The following RANBP2 variants were observed in gnomAD, a reference collection of about 807,000 sequenced individuals.
RANBP2 encodes RAN binding protein 2.
RANBP2 carries 57 observed loss-of-function variants against 303.6 expected under a neutral mutation model. The observed-to-expected ratio is 0.19, with a 90% CI of 0.15 to 0.23. The LOEUF (loss-of-function observed/expected upper bound fraction) is 0.23, where lower values mean the gene tolerates loss of function less well. Among genes scored for constraint, RANBP2 ranks in the 10% least tolerant of loss-of-function variants. The probability of loss-of-function intolerance (pLI) is 1.00; values close to 1 mark genes in which losing one functional copy is unlikely to be tolerated. For synonymous variants in RANBP2, 1,167 were observed against 1,301.5 expected, an observed-to-expected ratio of 0.90 and a Z score of 2.23; for missense variants, 3,138 against 3,780.8, an observed-to-expected ratio of 0.83 and a Z score of 4.46.
chr2:108,741,198 T>C (rs548320994), intron 7 of RANBP2, among the ~76,000 whole-genome samples: 32 of 152,220 alleles, frequency 2.1e-4, no homozygotes, highest in African/African-American at 7.7e-4. Flanking sequence ...TTTCTTAATT[T>C]TTATTTTTTT....
chr2:109,213,678 A>C, the RANBP2 span, among the ~76,000 whole-genome samples: 1 of 152,328 alleles, frequency 6.6e-6, no homozygotes, highest in African/African-American at 2.4e-5. Context: ...AGGTCAGGTC[A>C]AGATGGCTTC....
chr2:109,506,280 G>A, the RANBP2 span, among the ~76,000 whole-genome samples: 6 of 152,332 alleles, frequency 3.9e-5, no homozygotes, highest in South Asian at 6.2e-4. Context: ...CCTGAACTGC[G>A]GAGGGGCGTT....
At chr2:108,815,448 G>T in the RANBP2 span, among the ~76,000 whole-genome samples, 1 of 140,070 alleles carries the variant, frequency 7.1e-6, no homozygotes, top group Non-Finnish European at 1.5e-5. Flanking sequence ...TATTAGTTGG[G>T]GAGGTTTTTG....
chr2:109,647,482 T>G, the RANBP2 span, among the ~76,000 whole-genome samples: 1 of 147,002 alleles, frequency 6.8e-6, no homozygotes, highest in Non-Finnish European at 1.5e-5. Flanking sequence ...TTTTTTTATT[T>G]TTTTGAGATG....
chr2:109,766,408 G>A, the RANBP2 span, among the ~76,000 whole-genome samples: 2 of 150,546 alleles, frequency 1.3e-5, no homozygotes, highest in African/African-American at 4.9e-5. Flanking sequence ...AGAACTTGGG[G>A]ACTCCAGCTG....
chr2:109,262,057 C>T, the RANBP2 span, among the ~76,000 whole-genome samples: 2 of 152,190 alleles, frequency 1.3e-5, no homozygotes, highest in Admixed American at 6.5e-5. Context: ...TGCTGATGCA[C>T]CAGCCCCAAC....
At chr2:109,102,654 C>CTA in the RANBP2 span, among the ~76,000 whole-genome samples, 1 of 151,994 alleles carries the variant, frequency 6.6e-6, no homozygotes, top group Non-Finnish European at 1.5e-5. Flanking sequence ...TCTCAAAAGC[C>CTA]TATCATCTGT....
At chr2:108,799,066 T>TG in the RANBP2 span, among the ~76,000 whole-genome samples, 3 of 152,174 alleles carry the variant, frequency 2.0e-5, no homozygotes, top group African/African-American at 7.2e-5. Context: ...GGGGGTTGTT[T>TG]GTTTGATCAA....
At chr2:109,559,421 T>C in the RANBP2 span, among the ~76,000 whole-genome samples, 3 of 151,930 alleles carry the variant, frequency 2.0e-5, no homozygotes, top group Admixed American at 6.6e-5. Context: ...ACTTACTGAG[T>C]TTCTTCCAGC....
At position 108,782,823 on chromosome 2, in the gene RANBP2, T is replaced by C. The variant is rs1573859367; in HGVS notation, c.9330T>C (p.Asn3110=). 2.5e-6 allele frequency: 4 copies of C among 1,614,088 alleles called. No individual in the cohort carries two copies. The highest frequency in any genetic ancestry group is 2.2e-5 in the East Asian group (1 of 44,880). The change falls in exon 28 of 29, where the codon AAT becomes AAC. Residue 3110 remains asparagine (N), a synonymous_variant. Coordinates refer to ENST00000283195, the MANE Select transcript of RANBP2 (RefSeq NM_006267.5). ...GAGAGAAAGGCTTTGGTTTCAAGAA[T>C]TCCATTTTTCACAGAGTAATTCCAG... ...CTGEKGFGFK[N]SIFHRVIPDF...
At chr2:108,979,558 G>C in the RANBP2 span, among the ~76,000 whole-genome samples, 1 of 152,052 alleles carries the variant, frequency 6.6e-6, no homozygotes, top group Non-Finnish European at 1.5e-5. Context: ...AGTAAGCTAG[G>C]GGCATGTCAG....
chr2:109,388,115 G>A, the RANBP2 span, among the ~76,000 whole-genome samples: 11 of 152,052 alleles, frequency 7.2e-5, no homozygotes, highest in Admixed American at 7.2e-4. Context: ...ACCATCCTAC[G>A]CCTGCCCACG....
chr2:109,597,787 G>A, the RANBP2 span, among the ~76,000 whole-genome samples: 1 of 152,186 alleles, frequency 6.6e-6, no homozygotes, highest in African/African-American at 2.4e-5. Context: ...GATAGCTGGA[G>A]GAAAGTCTGG....
At chr2:109,550,952 C>T in the RANBP2 span, among the ~76,000 whole-genome samples, 1 of 152,246 alleles carries the variant, frequency 6.6e-6, no homozygotes, top group African/African-American at 2.4e-5. Context: ...TATAGACAGA[C>T]ATATCAAATT....
chr2:109,242,517 G>A, the RANBP2 span, among the ~76,000 whole-genome samples: 6 of 152,178 alleles, frequency 3.9e-5, no homozygotes, highest in African/African-American at 1.2e-4. Flanking sequence ...CTGGAGAAGC[G>A]GGAGTGAATG....
the RANBP2 span, among the ~76,000 whole-genome samples, chr2:108,845,763 G>A: frequency 6.6e-6 from 1 of 151,888 alleles, no homozygotes; most frequent in African/African-American, 2.4e-5. Flanking sequence ...AGTAGAGATG[G>A]GGTTTCACCA....
chr2:108,795,719 A>G, the RANBP2 span, among the ~76,000 whole-genome samples: 3 of 152,240 alleles, frequency 2.0e-5, no homozygotes, highest in African/African-American at 7.2e-5. Flanking sequence ...GAGAAAGATA[A>G]TAGTGGAAAG....
At chr2:109,256,405 C>A in the RANBP2 span, among the ~76,000 whole-genome samples, 2 of 152,156 alleles carry the variant, frequency 1.3e-5, no homozygotes, top group African/African-American at 4.8e-5. Context: ...GATGTCCTCC[C>A]CTGCAAGGAA....
chr2:108,844,225 G>A, the RANBP2 span, among the ~76,000 whole-genome samples: 1 of 151,978 alleles, frequency 6.6e-6, no homozygotes, highest in African/African-American at 2.4e-5. Flanking sequence ...CGTGATTTTA[G>A]ATGTTTTGCT....
Sources: allele counts gnomAD v4.1 joint callset (sites outside exome capture counted in the v4.1 genomes callset), GRCh38; gene constraint gnomAD v4.1.1; transcripts MANE v1.5; gene names NCBI Gene and HGNC (gene_info 2026-07-23, HGNC 2026-07-21).